Variants in RYR2 observed in about 807,000 individuals in gnomAD.
RYR2 encodes ryanodine receptor 2, also known as cardiac muscle ryanodine receptor-calcium release channel.
Under a neutral mutation model 601.1 loss-of-function variants are expected in RYR2, and 227 were observed. The ratio of observed to expected loss-of-function variants is 0.38; its 90% CI spans 0.34 to 0.42. The LOEUF (loss-of-function observed/expected upper bound fraction) is 0.42. Ranked by LOEUF, RYR2 falls within the 10% of genes least tolerant of loss-of-function variation. The pLI is 1.00. For missense variants in RYR2, 4,646 were observed against 6,156.5 expected (o/e 0.75, Z 8.21); for synonymous variants, 2,223 against 2,175.1 (o/e 1.02, Z -0.61).
chr1:237,620,006 T>A (rs182360889), intron 38 of RYR2, among the ~76,000 whole-genome samples: 1 of 152,210 alleles, frequency 6.6e-6, no homozygotes, highest in Admixed American at 6.5e-5. Flanking sequence ...ATTTGGAAAA[T>A]TCAGAAAGGA....
intron 80 of RYR2, among the ~76,000 whole-genome samples, chr1:237,754,308 G>T (rs1311974707): frequency 6.6e-6 from 1 of 152,110 alleles, no homozygotes; most frequent in Non-Finnish European, 1.5e-5. Flanking sequence ...TCCTTGTAAG[G>T]TTCATACATC....
chr1:237,177,076 T>C (rs1678136333), intron 1 of RYR2, among the ~76,000 whole-genome samples: 1 of 152,164 alleles, frequency 6.6e-6, no homozygotes. Context: ...GTTGGAAATA[T>C]TACCTCCTTA....
chr1:237,605,157 G>T (rs950235606), intron 35 of RYR2, among the ~76,000 whole-genome samples: 1 of 152,166 alleles, frequency 6.6e-6, no homozygotes, highest in South Asian at 2.1e-4. Context: ...GATGAACATC[G>T]ATGCAAAAAT....
chr1:237,309,032 G>A (rs530097822), intron 2 of RYR2, among the ~76,000 whole-genome samples: 5 of 150,492 alleles, frequency 3.3e-5, no homozygotes, highest in East Asian at 2.0e-4. Flanking sequence ...CAAACCTTGA[G>A]CTAGACACAG....
chr1:237,550,356 C>A (rs1301312819), intron 26 of RYR2, among the ~76,000 whole-genome samples, 188 bp from the exon 27 acceptor site: 1 of 152,048 alleles, frequency 6.6e-6, no homozygotes, highest in Non-Finnish European at 1.5e-5. Context: ...TCCATAGATG[C>A]GCTTATTCAT....
chr1:237,204,194 G>A (rs904053621), intron 1 of RYR2, among the ~76,000 whole-genome samples: 1 of 152,104 alleles, frequency 6.6e-6, no homozygotes, highest in Non-Finnish European at 1.5e-5. Flanking sequence ...ATTTTTTGTA[G>A]AGACAGGGTT....
chr1:237,158,668 CG>C (rs1675662421), intron 1 of RYR2, among the ~76,000 whole-genome samples: 2 of 152,126 alleles, frequency 1.3e-5, no homozygotes, highest in Non-Finnish European at 2.9e-5. Context: ...ATTTGATGAA[CG>C]GTTAAACTAA....
At chr1:237,494,662 G>A (rs1663834155) in intron 19 of RYR2, among the ~76,000 whole-genome samples, 1 of 152,158 alleles carries the variant, frequency 6.6e-6, no homozygotes, top group South Asian at 2.1e-4. Flanking sequence ...AGAAATAACG[G>A]CTTACAATCA....
At chr1:237,695,252 A>G (rs1056103692) in intron 63 of RYR2, among the ~76,000 whole-genome samples, 4 of 152,180 alleles carry the variant, frequency 2.6e-5, no homozygotes, top group Admixed American at 6.5e-5. Flanking sequence ...TTAAAACCCA[A>G]TGTTGTCCCT....
rs534950554 is a variant in RYR2 at position 237,468,499 on chromosome 1, A to G, written c.1613-593A>G. On this transcript the variant is annotated intron_variant, in intron 16 of 104. Transcript: ENST00000366574. ...TTTACTGCAGAATTTCAGGTCTTTA[A>G]TATACATTGTGAATCTCTAAATCCA... Among the ~76,000 whole-genome samples the G allele has an allele frequency of 9.8e-5, 15 of 152,334 alleles. No individual in the cohort carries two copies. In the South Asian group the frequency reaches 3.1e-3, roughly 32 times the overall value.
At chr1:237,467,090 A>C (rs1660161523) in intron 16 of RYR2, among the ~76,000 whole-genome samples, 1 of 149,322 alleles carries the variant, frequency 6.7e-6, no homozygotes, top group Non-Finnish European at 1.5e-5. Flanking sequence ...AGAATCACTT[A>C]TGTTATATAT....
rs749434532 is a variant in RYR2, at chr1:237,614,118, G to C, written c.4990G>C (p.Val1664Leu). The C allele has an allele frequency of 6.2e-7, 1 of 1,613,882 alleles. No individual in the cohort carries two copies. The highest frequency in any genetic ancestry group is 1.1e-5 in the South Asian group (1 of 91,086). Residue 1664 changes from valine to leucine, a missense_variant, in exon 37 of 105, where the codon GTC becomes CTC. Physicochemically the swap from Val to Leu is conservative, Grantham distance 32. Around this residue, in one of 17 missense-constraint regions of RYR2, gnomAD observed 1,807 missense variants for 2,088.1 expected, o/e 0.87. Transcript: ENST00000366574. The surrounding 1 kb of genome is among the most constrained non-coding windows in gnomAD (Gnocchi z 4.3). ...TCACACTCTCCGGCTCTACTCAGCC[G>C]TCTGTGCTCTTGGGAACCACCGGGT... Reference protein sequence around the residue: ...HYHTLRLYSAVCALGNHRVAH... With the variant: ...HYHTLRLYSALCALGNHRVAH...
rs564409375 is a variant in RYR2 at position 237,755,062 on chromosome 1, A to G, written c.11146-1226A>G. Reference sequence around the variant, plus strand: ...CCCTGATCAATTTTGTTTTCGCAGCACGATATTATCAAAGATTTAAGAAAC... The same window carrying G: ...CCCTGATCAATTTTGTTTTCGCAGCGCGATATTATCAAAGATTTAAGAAAC... On this transcript the variant is annotated intron_variant, in intron 80 of 104. Coordinates refer to ENST00000366574, the MANE Select transcript of RYR2 (RefSeq NM_001035.3). The G allele has an allele frequency of 8.8e-4, 1,137 of 1,288,436 alleles. 20 individuals carry two copies. In the South Asian group the frequency reaches 0.013, roughly 15 times the overall value. 79.8% of individuals were successfully genotyped at this position (1,288,436 alleles called of 1,614,324 possible).
In RYR2 at chr1:237,664,345, G is replaced by GA. The variant is rs1040193188; in HGVS notation, c.8437-2160dup. On this transcript the variant is annotated intron_variant, in intron 56 of 104. Coordinates refer to ENST00000366574, the MANE Select transcript of RYR2 (RefSeq NM_001035.3). ...TTTCAAATAGATCAGTGATGAAATG[G>GA]AAAAAAATCTCTGCTGTCAAGGAGC... 2.6e-5 allele frequency among the ~76,000 whole-genome samples: 4 copies of GA among 152,102 alleles called. No individual in the cohort carries two copies. In the East Asian group the frequency reaches 5.8e-4, roughly 22 times the overall value.
At chr1:237,480,468 A>G (rs971058309) in intron 17 of RYR2, among the ~76,000 whole-genome samples, 14 of 152,052 alleles carry the variant, frequency 9.2e-5, no homozygotes, top group Non-Finnish European at 1.9e-4. Context: ...GAGATGTGGC[A>G]ATTTATACAA....
rs1414026928 is a variant in RYR2, at chr1:237,795,846, A to G, written c.13956+515A>G. On this transcript the variant is annotated intron_variant, in intron 96 of 104. Coordinates refer to ENST00000366574, the MANE Select transcript of RYR2 (RefSeq NM_001035.3). ...TGTATGTGTGTGTGTGTATATATAT[A>G]TATGTATATGTATATATATATATAT... is the stretch of plus-strand genomic sequence containing the variant. 2.1e-3 allele frequency among the ~76,000 whole-genome samples: 250 copies of G among 116,816 alleles called. 1 individual carries two copies. Among genetic ancestry groups the G allele is most frequent in the African/African-American group, 9.2e-3 (226 of 24,564 alleles). The allele number at this position is 116,816 out of a possible 152,430, so 76.6% of individuals were successfully genotyped here.
rs1313042151 is a variant in RYR2, at chr1:237,625,721, G to A, written c.6083G>A (p.Arg2028His). ...AACAGTGATTTAACAATTAGAGGGC[G>A]TCTGCTATCCCTGGTAGAAAAGGTG... ...DGNSDLTIRG[R>H]LLSLVEKVTY... is the part of the protein sequence containing the mutation. Residue 2028 changes from arginine (R) to histidine (H), a missense_variant, in exon 40 of 105, where the codon CGT (arginine) becomes CAT (histidine). This residue lies in a region of RYR2 where 170 missense variants were observed against 184.5 expected (regional missense o/e 0.92). Transcript: ENST00000366574. 11 of 1,613,580 alleles carry A rather than the reference G, an allele frequency of 6.8e-6. No homozygotes were observed. Among genetic ancestry groups the A allele is most frequent in the East Asian group, 2.2e-5 (1 of 44,860 alleles).
At chr1:237,566,186 A>G (rs552745175) in intron 27 of RYR2, among the ~76,000 whole-genome samples, 2 of 152,138 alleles carry the variant, frequency 1.3e-5, no homozygotes, top group East Asian at 3.9e-4. Flanking sequence ...CTCATTTCTT[A>G]TGCAGAGCAG....
At chr1:237,235,110 T>C (rs1685428730) in intron 1 of RYR2, among the ~76,000 whole-genome samples, 1 of 152,208 alleles carries the variant, frequency 6.6e-6, no homozygotes, top group Non-Finnish European at 1.5e-5. Context: ...AGTTTTGCTG[T>C]TTGATGTCTT....
Sources: allele counts gnomAD v4.1 joint callset (sites outside exome capture counted in the v4.1 genomes callset), GRCh38; gene constraint gnomAD v4.1.1; regional missense constraint gnomAD v4.1.1; non-coding constraint Gnocchi (gnomAD v3.1); transcripts MANE v1.5; gene names NCBI Gene and HGNC (gene_info 2026-07-23, HGNC 2026-07-21).